The following SESTD1 variants were observed in gnomAD, a reference collection of about 807,000 sequenced individuals.
SESTD1 encodes SEC14 domain and spectrin repeat-containing protein 1.
Under a neutral mutation model 101.7 loss-of-function variants are expected in SESTD1, and 43 were observed. The observed-to-expected ratio is 0.42, with a 90% CI of 0.33 to 0.55. SESTD1 has a LOEUF of 0.55. Ranked by LOEUF, SESTD1 falls within the 20% of genes least tolerant of loss-of-function variation. The probability of loss-of-function intolerance (pLI) is 0.07; values close to 1 mark genes in which losing one functional copy is unlikely to be tolerated. For synonymous variants in SESTD1, 283 were observed against 286.8 expected (o/e 0.99, Z 0.13); for missense variants, 647 against 815.1 (o/e 0.79, Z 2.51).
intron 1 of SESTD1, among the ~76,000 whole-genome samples, chr2:179,199,520 C>T (rs1476671606): frequency 6.6e-6 from 1 of 152,144 alleles, no homozygotes; most frequent in African/African-American, 2.4e-5. Flanking sequence ...AATTTTAGAC[C>T]AATATCCTTG....
chr2:179,182,053 C>G (rs1575466305), intron 3 of SESTD1, among the ~76,000 whole-genome samples: 1 of 149,484 alleles, frequency 6.7e-6, no homozygotes, highest in Admixed American at 6.7e-5. Context: ...GATGCAGGTG[C>G]GATTAAAATC....
chr2:179,106,919 G>A lies in SESTD1; in HGVS notation c.*2980C>T, dbSNP rs540984266. ...TGCCATTATATATTAAGCTTACACAGGAGCAAACAAATGATAAAAGAAAAA... is the reference window on the plus strand; with the variant it reads ...TGCCATTATATATTAAGCTTACACAAGAGCAAACAAATGATAAAAGAAAAA... On this transcript the variant is annotated 3_prime_UTR_variant, in exon 18 of 18. Transcript: ENST00000428443. The A allele has an allele frequency of 1.2e-4, 18 of 151,616 alleles. No homozygotes were observed. The South Asian group carries it at 2.9e-3, about 25-fold the overall frequency. 9.4% of individuals were successfully genotyped at this position (151,616 alleles called of 1,614,324 possible). A position where few individuals can be genotyped will look rare whatever the true frequency, so the allele number is the denominator to read the frequency against.
intron 8 of SESTD1, among the ~76,000 whole-genome samples, 185 bp from the exon 9 acceptor site, chr2:179,143,988 ATG>A (rs148276138): frequency 9.9e-5 from 15 of 152,030 alleles, no homozygotes; most frequent in Non-Finnish European, 2.9e-5. Context: ...TAATATATAT[ATG>A]TGTGTATGTG....
At chr2:179,246,915 C>T (rs78661412) in intron 1 of SESTD1, among the ~76,000 whole-genome samples, 2,183 of 152,270 alleles carry the variant, frequency 0.014, 49 homozygotes, top group African/African-American at 0.049. Context: ...ATCTACTCAG[C>T]AGTCTGACCA....
chr2:179,230,105 T>G (rs796396112), intron 1 of SESTD1, among the ~76,000 whole-genome samples: 12 of 140,806 alleles, frequency 8.5e-5, no homozygotes, highest in African/African-American at 2.8e-4. Context: ...CCAAACTGGA[T>G]TGTATCTCTT....
intron 4 of SESTD1, among the ~76,000 whole-genome samples, chr2:179,174,206 T>C (rs1195876117): frequency 6.6e-6 from 1 of 152,194 alleles, no homozygotes; most frequent in Non-Finnish European, 1.5e-5. Context: ...ATAGGCACTG[T>C]GGGGTCCCAA....
chr2:179,222,451 C>T lies in SESTD1; in HGVS notation c.-25-30585G>A, dbSNP rs535981739. On this transcript the variant is annotated intron_variant, in intron 1 of 17. Coordinates refer to ENST00000428443, the MANE Select transcript of SESTD1 (RefSeq NM_178123.5). ...ATTTATTACTAGCAGCTAAATCTTC[C>T]TTCCTCCACTAATTACTGGTTTACC... Among the ~76,000 whole-genome samples, 6 of 152,208 alleles carry T rather than the reference C, an allele frequency of 3.9e-5. No homozygotes were observed. In the East Asian group the frequency reaches 1.2e-3, roughly 29 times the overall value.
chr2:179,246,018 T>A, intron 1 of SESTD1, among the ~76,000 whole-genome samples: 1 of 151,990 alleles, frequency 6.6e-6, no homozygotes. Context: ...ACACTTTGGG[T>A]GGCCAAGGCG....
intron 5 of SESTD1, among the ~76,000 whole-genome samples, chr2:179,169,991 A>C (rs1336372672): frequency 6.7e-6 from 1 of 150,256 alleles, no homozygotes; most frequent in African/African-American, 2.5e-5. Flanking sequence ...AAAAAAAAAA[A>C]CCTGAAGTCA....
chr2:179,230,753 A>G (rs1385907399), intron 1 of SESTD1, among the ~76,000 whole-genome samples: 1 of 152,086 alleles, frequency 6.6e-6, no homozygotes, highest in African/African-American at 2.4e-5. Context: ...ATATTAGAAC[A>G]GAATTAATAT....
chr2:179,232,195 T>G (rs912050590), intron 1 of SESTD1, among the ~76,000 whole-genome samples: 4 of 151,762 alleles, frequency 2.6e-5, no homozygotes, highest in Admixed American at 1.3e-4. Context: ...AACCAGATAT[T>G]AACAAAACTA....
chr2:179,172,140 T>C lies in SESTD1; in HGVS notation c.349A>G (p.Lys117Glu). Residue 117 changes from lysine to glutamate, a missense_variant, in exon 5 of 18, where the codon AAG becomes GAG. Physicochemically the swap from Lys to Glu is moderately conservative, Grantham distance 56 (BLOSUM62 1). Around this residue, in one of 3 missense-constraint regions of SESTD1, gnomAD observed 168 missense variants for 235.1 expected, o/e 0.71. Transcript: ENST00000428443. ...KVTHFCFWKE[K>E]DRLGFEVILV... is the part of the protein sequence containing the mutation. ...TTTACCTCAAAGCCAAGTCTATCCT[T>C]CTCCTTCCAAAAACAAAAATGCGTT... 1 of 1,608,794 alleles carries C rather than the reference T, an allele frequency of 6.2e-7. No individual in the cohort carries two copies. The highest frequency in any genetic ancestry group is 8.5e-7 in the Non-Finnish European group (1 of 1,176,398).
At chr2:179,124,934 T>C (rs1260367279) in intron 10 of SESTD1, among the ~76,000 whole-genome samples, 1 of 152,152 alleles carries the variant, frequency 6.6e-6, no homozygotes, top group Admixed American at 6.5e-5. Context: ...CCCTTTGAAG[T>C]GCATGCTGTT....
chr2:179,154,072 A>C (rs1385595871), intron 5 of SESTD1, among the ~76,000 whole-genome samples: 4 of 141,404 alleles, frequency 2.8e-5, no homozygotes, highest in Non-Finnish European at 6.0e-5. Context: ...AAGAAAACCC[A>C]ATCTCTACAA....
At chr2:179,187,711 G>C in intron 2 of SESTD1, among the ~76,000 whole-genome samples, 1 of 152,086 alleles carries the variant, frequency 6.6e-6, no homozygotes, top group Non-Finnish European at 1.5e-5. Flanking sequence ...ACAATGACAG[G>C]TTCAAAGAAA....
intron 1 of SESTD1, among the ~76,000 whole-genome samples, chr2:179,261,210 TA>T (rs2105563760): frequency 6.6e-6 from 1 of 152,344 alleles, no homozygotes; most frequent in South Asian, 2.1e-4. Flanking sequence ...AAATGCGTAA[TA>T]AAATCTGATG....
chr2:179,168,235 C>T (rs2045869726), intron 5 of SESTD1, among the ~76,000 whole-genome samples: 1 of 152,014 alleles, frequency 6.6e-6, no homozygotes, highest in African/African-American at 2.4e-5. Flanking sequence ...TATGATGATC[C>T]ACTTCTACTT....
chr2:179,141,355 C>A lies in SESTD1; in HGVS notation c.849+2237G>T, dbSNP rs181849799. On this transcript the variant is annotated intron_variant, in intron 9 of 17. Transcript: ENST00000428443. Reference sequence around the variant, plus strand: ...TAATATCTTCTTACTCATCCTAATCCTACTCCCATCACTCTCCTTGTTGGC... The same window carrying A: ...TAATATCTTCTTACTCATCCTAATCATACTCCCATCACTCTCCTTGTTGGC... Among the ~76,000 whole-genome samples the A allele has an allele frequency of 3.9e-5, 6 of 152,230 alleles. No individual in the cohort carries two copies. In the East Asian group the frequency reaches 9.7e-4, roughly 25 times the overall value.
chr2:179,169,310 C>G (rs965311966), intron 5 of SESTD1, among the ~76,000 whole-genome samples: 1 of 151,934 alleles, frequency 6.6e-6, no homozygotes, highest in South Asian at 2.1e-4. Flanking sequence ...TAATATCAGA[C>G]AATGTACATT....
Sources: allele counts gnomAD v4.1 joint callset (sites outside exome capture counted in the v4.1 genomes callset), GRCh38; gene constraint gnomAD v4.1.1; regional missense constraint gnomAD v4.1.1; transcripts MANE v1.5; gene names NCBI Gene and HGNC (gene_info 2026-07-23, HGNC 2026-07-21).